The following FAM161A variants were observed in gnomAD, a reference collection of about 807,000 sequenced individuals.
FAM161A encodes FAM161 centrosomal protein A, also known as protein FAM161A.
Under a neutral mutation model 70.9 loss-of-function variants are expected in FAM161A, and 57 were observed. That is an observed-to-expected ratio of 0.80 (90% confidence interval 0.65 to 1.00). FAM161A has a LOEUF of 1.00. Among genes scored for constraint, FAM161A ranks in the 50% least tolerant of loss-of-function variants. FAM161A has a pLI of 0.00. For missense variants in FAM161A, 880 were observed against 836.0 expected (o/e 1.05, Z -0.65); for synonymous variants, 299 against 295.7 (o/e 1.01, Z -0.12).
In FAM161A at chr2:61,839,963, C is replaced by T; in HGVS notation, c.1041G>A (p.Lys347=). ...AREKQLRDFL[K]YKKKTNRFKA... ...TAAATCGATTTGTTTTCTTTTTATA[C>T]TTAAGAAAGTCTCTCAGCTGCTTTT... Residue 347 remains lysine, a synonymous_variant, in exon 3 of 7, where the codon AAG becomes AAA. Coordinates refer to ENST00000404929, the MANE Select transcript of FAM161A (RefSeq NM_001201543.2). 1 of 1,614,184 alleles carries T rather than the reference C, an allele frequency of 6.2e-7. No homozygotes were observed.
At chr2:61,848,189 G>A (rs932554746) in intron 1 of FAM161A, among the ~76,000 whole-genome samples, 1 of 152,294 alleles carries the variant, frequency 6.6e-6, no homozygotes, top group South Asian at 2.1e-4. Context: ...GGACCTGGAA[G>A]AACCGTTTGA....
At chr2:61,803,812 C>G in the FAM161A span, among the ~76,000 whole-genome samples, 3 of 151,756 alleles carry the variant, frequency 2.0e-5, no homozygotes, top group Non-Finnish European at 2.9e-5. Context: ...GACTCTGTCT[C>G]GAAAAAATAA....
At chr2:61,812,755 C>A in the FAM161A span, among the ~76,000 whole-genome samples, 1 of 151,010 alleles carries the variant, frequency 6.6e-6, no homozygotes, top group African/African-American at 2.4e-5. Flanking sequence ...AAAACAACAA[C>A]AACAAACATT....
chr2:61,815,452 A>C, the FAM161A span, among the ~76,000 whole-genome samples: 1 of 151,328 alleles, frequency 6.6e-6, no homozygotes, highest in Non-Finnish European at 1.5e-5. Flanking sequence ...AAGTGCGTAC[A>C]AAGGGTCAGA....
At chr2:61,803,085 G>A in the FAM161A span, 6 of 387,634 alleles carry the variant, frequency 1.5e-5, no homozygotes, top group Non-Finnish European at 2.9e-5. Flanking sequence ...CTAACACATA[G>A]GATAGGACAC....
intron 5 of FAM161A, among the ~76,000 whole-genome samples, chr2:61,830,843 G>T (rs1672544527): frequency 6.6e-6 from 1 of 151,798 alleles, no homozygotes; most frequent in Non-Finnish European, 1.5e-5. Flanking sequence ...GGATGTGGTG[G>T]TTCACATCTG....
At chr2:61,818,064 CTTTTT>C in the FAM161A span, among the ~76,000 whole-genome samples, 1 of 139,768 alleles carries the variant, frequency 7.2e-6, no homozygotes. Context: ...CATTCAGATC[CTTTTT>C]TTTTTTTTTT....
chr2:61,852,043 C>T (rs2105107896), intron 1 of FAM161A, among the ~76,000 whole-genome samples: 1 of 152,258 alleles, frequency 6.6e-6, no homozygotes, highest in East Asian at 1.9e-4. Context: ...CTCTTCCTGC[C>T]TTCTTAATGC....
chr2:61,826,406 C>T lies in FAM161A; in HGVS notation c.*49G>A, dbSNP rs1276174560. The stretch of plus-strand genomic sequence containing the variant: ...TAAACACAAATGCGGCTGCTGACAC[C>T]CTGACGCTGCAAACAACAGCAAGGG... On this transcript the variant is annotated 3_prime_UTR_variant, in exon 7 of 7. Coordinates refer to ENST00000404929, the MANE Select transcript of FAM161A (RefSeq NM_001201543.2). 7 of 1,598,048 alleles carry T rather than the reference C, an allele frequency of 4.4e-6. No homozygotes were observed. In the Admixed American group the frequency reaches 1.2e-4, roughly 27 times the overall value.
chr2:61,826,149 G>T lies in FAM161A; in HGVS notation c.*306C>A, dbSNP rs762090716. ...AGCCATTTTTTCCAGTAAAATTAAT[G>T]AAATAATGTATATTTTTATAACTAA... On this transcript the variant is annotated 3_prime_UTR_variant, in exon 7 of 7. Transcript: ENST00000404929. 3 of 519,708 alleles carry T rather than the reference G, an allele frequency of 5.8e-6. No individual in the cohort carries two copies. The allele number at this position is 519,708 out of a possible 1,614,324, so 32.2% of individuals were successfully genotyped here.
intron 5 of FAM161A, among the ~76,000 whole-genome samples, chr2:61,834,454 C>A (rs1305271233): frequency 6.6e-6 from 1 of 151,602 alleles, no homozygotes; most frequent in East Asian, 1.9e-4. Flanking sequence ...CCCCAGCTCA[C>A]ACAATATACC....
At chr2:61,807,100 G>A in the FAM161A span, among the ~76,000 whole-genome samples, 1 of 152,100 alleles carries the variant, frequency 6.6e-6, no homozygotes, top group African/African-American at 2.4e-5. Context: ...ATTTTGCAAG[G>A]TTGTAGAATT....
chr2:61,851,262 A>C (rs1364489500), intron 1 of FAM161A, among the ~76,000 whole-genome samples: 1 of 152,222 alleles, frequency 6.6e-6, no homozygotes, highest in Non-Finnish European at 1.5e-5. Context: ...GTTAATGACT[A>C]GCACTTAATA....
rs143648230 is a variant in FAM161A, at chr2:61,837,310, G to A, written c.1752-1201C>T. The stretch of plus-strand genomic sequence containing the variant: ...AGGAACCAAAATATATAAATTTACC[G>A]TAAGTGTTCTCACTGTTTGAGCAAG... On this transcript the variant is annotated intron_variant, in intron 4 of 6. Transcript: ENST00000404929. 7.9e-4 allele frequency among the ~76,000 whole-genome samples: 120 copies of A among 152,234 alleles called. No individual in the cohort carries two copies. In the South Asian group the frequency reaches 8.5e-3, roughly 11 times the overall value.
intron 1 of FAM161A, among the ~76,000 whole-genome samples, chr2:61,847,412 C>T (rs559356254): frequency 2.0e-5 from 3 of 152,254 alleles, no homozygotes; most frequent in Middle Eastern, 3.4e-3. Flanking sequence ...TCACCATTGA[C>T]GTCCTACATA....
At chr2:61,817,452 C>T in the FAM161A span, among the ~76,000 whole-genome samples, 1 of 152,168 alleles carries the variant, frequency 6.6e-6, no homozygotes, top group Non-Finnish European at 1.5e-5. Flanking sequence ...ACTAAGCCAA[C>T]AAATTCAAAA....
the FAM161A span, among the ~76,000 whole-genome samples, chr2:61,819,447 A>C: frequency 5.3e-4 from 80 of 152,348 alleles, no homozygotes; most frequent in Non-Finnish European, 7.5e-4. Context: ...TGGGTGACAG[A>C]GTGAGACTCT....
chr2:61,808,272 T>C, the FAM161A span, among the ~76,000 whole-genome samples: 2 of 143,520 alleles, frequency 1.4e-5, no homozygotes, highest in Non-Finnish European at 3.1e-5. Flanking sequence ...ATTATTATTA[T>C]TATTTTTTTT....
intron 5 of FAM161A, among the ~76,000 whole-genome samples, chr2:61,830,627 T>A (rs1305454700): frequency 1.4e-5 from 2 of 138,600 alleles, no homozygotes; most frequent in African/African-American, 5.5e-5. Flanking sequence ...GAGGTTGCAG[T>A]GAGCCGAGAT....
Sources: allele counts gnomAD v4.1 joint callset (sites outside exome capture counted in the v4.1 genomes callset), GRCh38; gene constraint gnomAD v4.1.1; transcripts MANE v1.5; gene names NCBI Gene and HGNC (gene_info 2026-07-23, HGNC 2026-07-21).